The following GALNTL6 variants were observed in gnomAD, a reference collection of about 807,000 sequenced individuals.
The protein encoded by GALNTL6 is polypeptide N-acetylgalactosaminyltransferase-like 6.
In GALNTL6, 46 loss-of-function variants were observed where a neutral mutation model predicts 73.7. The observed-to-expected ratio is 0.62, with a 90% CI of 0.49 to 0.80. The LOEUF is 0.80. GALNTL6 is among the 30% of genes least tolerant of loss of function. The pLI, the probability that GALNTL6 is intolerant of heterozygous loss-of-function variation, is 0.00. For missense variants in GALNTL6, 604 were observed against 755.0 expected (o/e 0.80, Z 2.34); for synonymous variants, 259 against 263.7 (o/e 0.98, Z 0.17).
chr4:172,238,679 A>C (rs1560984633), intron 3 of GALNTL6, among the ~76,000 whole-genome samples: 1 of 152,112 alleles, frequency 6.6e-6, no homozygotes, highest in Non-Finnish European at 1.5e-5. Flanking sequence ...ATCTTGTGCC[A>C]GTTTTCAAGG....
chr4:172,024,871 C>T (rs1300941290), intron 2 of GALNTL6, among the ~76,000 whole-genome samples: 1 of 150,270 alleles, frequency 6.7e-6, no homozygotes, highest in South Asian at 2.2e-4. Flanking sequence ...TTCCTTCCTC[C>T]CTGTCTAAAT....
intron 4 of GALNTL6, among the ~76,000 whole-genome samples, chr4:172,341,239 C>G (rs1741548625): frequency 6.6e-6 from 1 of 151,586 alleles, no homozygotes; most frequent in South Asian, 2.1e-4. Flanking sequence ...ATCACGAGGT[C>G]AGGAGATCGA....
At chr4:172,672,157 C>T (rs1285241666) in intron 5 of GALNTL6, among the ~76,000 whole-genome samples, 3 of 152,206 alleles carry the variant, frequency 2.0e-5, no homozygotes, top group African/African-American at 7.2e-5. Context: ...TCCCAAAGTG[C>T]TGGGATTACA....
At chr4:172,058,502 AT>A (rs1173845398) in intron 2 of GALNTL6, among the ~76,000 whole-genome samples, 2 of 151,204 alleles carry the variant, frequency 1.3e-5, no homozygotes, top group African/African-American at 4.9e-5. Context: ...TTTCACCTTG[AT>A]TTTTTTTCTT....
At chr4:172,613,665 C>T (rs761834490) in intron 5 of GALNTL6, among the ~76,000 whole-genome samples, 1 of 152,038 alleles carries the variant, frequency 6.6e-6, no homozygotes, top group African/African-American at 2.4e-5. Flanking sequence ...TATGCCACAT[C>T]GTTATAGTTG....
chr4:172,093,419 C>T (rs961029543), intron 2 of GALNTL6, among the ~76,000 whole-genome samples: 4 of 152,052 alleles, frequency 2.6e-5, no homozygotes, highest in African/African-American at 4.8e-5. Context: ...ATCCTCATAC[C>T]GTATAACATT....
At chr4:172,744,937 T>C (rs1183537005) in intron 5 of GALNTL6, among the ~76,000 whole-genome samples, 1 of 151,940 alleles carries the variant, frequency 6.6e-6, no homozygotes, top group Non-Finnish European at 1.5e-5. Context: ...TTAGGGAACA[T>C]TTTCCCTTGC....
At chr4:172,729,064 T>C (rs1465544199) in intron 5 of GALNTL6, among the ~76,000 whole-genome samples, 1 of 152,138 alleles carries the variant, frequency 6.6e-6, no homozygotes, top group Admixed American at 6.5e-5. Flanking sequence ...TTTAATTTGA[T>C]TATTTGGGTT....
intron 2 of GALNTL6, among the ~76,000 whole-genome samples, chr4:172,066,608 A>T (rs1731373128): frequency 6.6e-6 from 1 of 151,202 alleles, no homozygotes. Flanking sequence ...GTGAAGAGCT[A>T]ATCTGAGTTT....
At chr4:172,334,957 C>A (rs1578966201) in intron 4 of GALNTL6, among the ~76,000 whole-genome samples, 1 of 148,926 alleles carries the variant, frequency 6.7e-6, no homozygotes, top group Non-Finnish European at 1.5e-5. Flanking sequence ...AAACCTTTTT[C>A]TTTGTCTATT....
chr4:172,801,926 A>T (rs1740670917), intron 5 of GALNTL6, among the ~76,000 whole-genome samples: 1 of 152,100 alleles, frequency 6.6e-6, no homozygotes, highest in Non-Finnish European at 1.5e-5. Context: ...GACCTTCATG[A>T]TGATCCACTT....
chr4:172,206,809 T>G (rs13143192), intron 2 of GALNTL6, among the ~76,000 whole-genome samples: 873 of 12,862 alleles, frequency 0.068, 10 homozygotes, highest in Middle Eastern at 0.1. Flanking sequence ...TTTTCTGTTT[T>G]TTTTGTTTGT....
At chr4:172,079,865 C>CT (rs1443502176) in intron 2 of GALNTL6, among the ~76,000 whole-genome samples, 2 of 151,554 alleles carry the variant, frequency 1.3e-5, no homozygotes. Flanking sequence ...TTCTCTTTAA[C>CT]TTTTTAAAAA....
chr4:172,541,442 T>C (rs1735546874), intron 5 of GALNTL6, among the ~76,000 whole-genome samples: 2 of 152,136 alleles, frequency 1.3e-5, no homozygotes, highest in Admixed American at 6.5e-5. Context: ...GAAACCTCAA[T>C]CCTTGCCTCC....
At chr4:172,771,279 C>T (rs141442087) in intron 5 of GALNTL6, among the ~76,000 whole-genome samples, 1,630 of 152,184 alleles carry the variant, frequency 0.011, 102 homozygotes, top group Admixed American at 0.093. Context: ...CAGTTGTTTT[C>T]CTAATTGAGA....
chr4:173,028,625 G>A (rs1753330667), intron 12 of GALNTL6, among the ~76,000 whole-genome samples: 1 of 151,974 alleles, frequency 6.6e-6, no homozygotes, highest in South Asian at 2.1e-4. Context: ...AATATATGAA[G>A]TTCCTAAATA....
chr4:172,456,569 A>C (rs1732406178), intron 5 of GALNTL6, among the ~76,000 whole-genome samples: 1 of 151,846 alleles, frequency 6.6e-6, no homozygotes, highest in African/African-American at 2.4e-5. Flanking sequence ...AAGTATCAAT[A>C]GCCAAATCGA....
At chr4:172,598,616 T>C (rs1262102103) in intron 5 of GALNTL6, among the ~76,000 whole-genome samples, 1 of 151,942 alleles carries the variant, frequency 6.6e-6, no homozygotes, top group African/African-American at 2.4e-5. Flanking sequence ...CATTTCTAAA[T>C]TTACGTCTAC....
chr4:171,874,066 T>C (rs115261636), intron 2 of GALNTL6, among the ~76,000 whole-genome samples: 1,554 of 152,344 alleles, frequency 0.01, 30 homozygotes, highest in African/African-American at 0.035. Context: ...TTTTAGTTTC[T>C]GTCTATTAAC....
Sources: gnomAD v4.1 joint callset for allele counts (sites outside exome capture counted in the v4.1 genomes callset) on GRCh38, gnomAD v4.1.1 for gene constraint, MANE v1.5 for transcripts, NCBI Gene and HGNC (gene_info 2026-07-23, HGNC 2026-07-21) for gene names.